DAAM1: variants seen among roughly 807,000 people sequenced by gnomAD.
The protein encoded by DAAM1 is disheveled-associated activator of morphogenesis 1.
DAAM1 carries 52 observed loss-of-function variants against 130.0 expected under a neutral mutation model. That is an observed-to-expected ratio of 0.40 (90% CI 0.32 to 0.50). The LOEUF (loss-of-function observed/expected upper bound fraction) is 0.50, where lower values mean the gene tolerates loss of function less well. Ranked by LOEUF, DAAM1 falls within the 20% of genes least tolerant of loss-of-function variation. The probability of loss-of-function intolerance (pLI) is 0.61; values close to 1 mark genes in which losing one functional copy is unlikely to be tolerated. For synonymous variants in DAAM1, 452 were observed against 444.5 expected, an observed-to-expected ratio of 1.02 and a Z score of -0.21; for missense variants, 1,134 against 1,303.8, an observed-to-expected ratio of 0.87 and a Z score of 2.01.
At chr14:59,229,769 G>A (rs1385018605) in intron 1 of DAAM1, among the ~76,000 whole-genome samples, 1 of 152,204 alleles carries the variant, frequency 6.6e-6, no homozygotes, top group Non-Finnish European at 1.5e-5. Flanking sequence ...CACCTTGTGG[G>A]TTAGTTTCTG....
chr14:59,246,104 G>T (rs1881356205), intron 1 of DAAM1, among the ~76,000 whole-genome samples: 1 of 152,110 alleles, frequency 6.6e-6, no homozygotes, highest in African/African-American at 2.4e-5. Context: ...TTACCATTTA[G>T]CCATTTTTCT....
intron 17 of DAAM1, among the ~76,000 whole-genome samples, chr14:59,349,622 G>A (rs1454716726): frequency 1.3e-5 from 2 of 152,362 alleles, no homozygotes; most frequent in Non-Finnish European, 2.9e-5. Context: ...CCTGGTGGCT[G>A]CTTTCATCCC....
At chr14:59,287,402 C>T (rs893118199) in intron 2 of DAAM1, among the ~76,000 whole-genome samples, 7 of 152,182 alleles carry the variant, frequency 4.6e-5, no homozygotes, top group African/African-American at 1.7e-4. Flanking sequence ...CTCACCACTT[C>T]TATGCAACGT....
intron 2 of DAAM1, among the ~76,000 whole-genome samples, chr14:59,280,752 A>C (rs1348629935): frequency 1.3e-5 from 2 of 152,068 alleles, no homozygotes; most frequent in African/African-American, 4.8e-5. Context: ...TGGAGGGAAT[A>C]GCTGATGCCT....
At chr14:59,363,275 T>G (rs1886782931) in intron 22 of DAAM1, 1 of 176,378 alleles carries the variant, frequency 5.7e-6, no homozygotes, top group East Asian at 1.7e-4. Context: ...CATGGAATAT[T>G]GACAAGCAGA....
intron 1 of DAAM1, among the ~76,000 whole-genome samples, chr14:59,238,120 A>G (rs757313216): frequency 2.6e-5 from 4 of 152,108 alleles, no homozygotes; most frequent in Admixed American, 2.0e-4. Flanking sequence ...CTTGTAAATG[A>G]GAGAAAGTTC....
chr14:59,326,841 T>C lies in DAAM1; in HGVS notation c.1314-92T>C, dbSNP rs563419921. The C allele has an allele frequency of 1.9e-6, 3 of 1,561,194 alleles. No individual in the cohort carries two copies. The East Asian group carries it at 6.8e-5, about 35-fold the overall frequency. On this transcript the variant is annotated intron_variant, in intron 11 of 24. Coordinates refer to ENST00000360909, the MANE Select transcript of DAAM1 (RefSeq NM_001270520.2). ...TCAAGCATGCACTGAGGATTTTCTC[T>C]GCAGTAGACTATTTTTGTACCTGGG... is the stretch of plus-strand genomic sequence containing the variant.
At chr14:59,333,163 T>C (rs973316555) in intron 15 of DAAM1, among the ~76,000 whole-genome samples, 1 of 152,204 alleles carries the variant, frequency 6.6e-6, no homozygotes, top group Admixed American at 6.5e-5. Flanking sequence ...AAATGAATAT[T>C]TTTCCTTAAG....
At chr14:59,204,218 G>A (rs980243378) in intron 1 of DAAM1, among the ~76,000 whole-genome samples, 2 of 152,216 alleles carry the variant, frequency 1.3e-5, no homozygotes, top group Admixed American at 6.5e-5. Flanking sequence ...AAATCCAGGT[G>A]TCAGCCAAAA....
At chr14:59,297,479 A>G (rs986305704) in intron 3 of DAAM1, among the ~76,000 whole-genome samples, 1 of 152,230 alleles carries the variant, frequency 6.6e-6, no homozygotes, top group Non-Finnish European at 1.5e-5. Flanking sequence ...CATACTATGT[A>G]TGCAGACAGC....
intron 2 of DAAM1, among the ~76,000 whole-genome samples, chr14:59,279,780 A>G (rs1183254325): frequency 1.3e-5 from 2 of 152,224 alleles, no homozygotes; most frequent in Non-Finnish European, 2.9e-5. Context: ...TGATCAAAAT[A>G]TTAACAAAAT....
At chr14:59,290,960 G>C (rs1420822778) in intron 2 of DAAM1, among the ~76,000 whole-genome samples, 1 of 151,904 alleles carries the variant, frequency 6.6e-6, no homozygotes, top group East Asian at 1.9e-4. Flanking sequence ...GTCTGTGCTT[G>C]GTCCACTCTC....
rs565190090 is a variant in DAAM1 at position 59,333,396 on chromosome 14, A to G, written c.1968+1476A>G. 2.2e-3 allele frequency among the ~76,000 whole-genome samples: 337 copies of G among 152,312 alleles called. 1 individual carries two copies. Among genetic ancestry groups the G allele is most frequent in the African/African-American group, 7.6e-3 (316 of 41,574 alleles). On this transcript the variant is annotated intron_variant, in intron 15 of 24. Transcript: ENST00000360909. ...GGCATTGGCCAATAGAAAGCAAAAC[A>G]ATTTATCCTTCAAAGGACAAAAGTT... is the stretch of plus-strand genomic sequence containing the variant.
At chr14:59,262,990 T>C (rs1269567325) in intron 1 of DAAM1, among the ~76,000 whole-genome samples, 1 of 152,210 alleles carries the variant, frequency 6.6e-6, no homozygotes, top group African/African-American at 2.4e-5. Flanking sequence ...TGTCATAGCA[T>C]ATATGTTATT....
chr14:59,204,172 G>A (rs1462059956), intron 1 of DAAM1, among the ~76,000 whole-genome samples: 1 of 152,222 alleles, frequency 6.6e-6, no homozygotes, highest in Non-Finnish European at 1.5e-5. Flanking sequence ...TGCACATGCT[G>A]TGGCTAGATT....
rs536959341 is a variant in DAAM1, at chr14:59,283,033, G to C, written c.184-8184G>C. Among the ~76,000 whole-genome samples the C allele has an allele frequency of 1.1e-4, 16 of 152,250 alleles. No homozygotes were observed. The East Asian group carries it at 2.9e-3, about 28-fold the overall frequency. ...TCATTTCTGCATCTCAGCAGAAGCA[G>C]AAGTTATCTACCTGTGACAGCAAAA... On this transcript the variant is annotated intron_variant, in intron 2 of 24. Transcript: ENST00000360909.
intron 8 of DAAM1, among the ~76,000 whole-genome samples, chr14:59,324,794 T>A (rs1885145556): frequency 1.3e-5 from 2 of 152,348 alleles, no homozygotes; most frequent in Admixed American, 6.5e-5. Flanking sequence ...GTGGTGATGA[T>A]GATAATGACA....
chr14:59,205,851 A>G (rs1489417284), intron 1 of DAAM1, among the ~76,000 whole-genome samples: 2 of 152,206 alleles, frequency 1.3e-5, no homozygotes, highest in East Asian at 3.8e-4. Context: ...ACAGTAGGTT[A>G]GAAGAGAGGA....
intron 1 of DAAM1, among the ~76,000 whole-genome samples, chr14:59,254,857 A>C (rs556367423): frequency 6.6e-6 from 1 of 152,210 alleles, no homozygotes; most frequent in African/African-American, 2.4e-5. Context: ...TGCTGCTTAC[A>C]TGCAGAGTTG....
Sources: allele counts gnomAD v4.1 joint callset (sites outside exome capture counted in the v4.1 genomes callset), GRCh38; gene constraint gnomAD v4.1.1; transcripts MANE v1.5; gene names NCBI Gene and HGNC (gene_info 2026-07-23, HGNC 2026-07-21).